Variants in NMB observed in about 807,000 individuals in gnomAD.
The protein encoded by NMB is neuromedin-B.
In NMB, 12 loss-of-function variants were observed where a neutral mutation model predicts 11.7. The observed-to-expected ratio is 1.03, with a 90% CI of 0.66 to 1.66. The LOEUF is 1.66. Ranked by LOEUF, NMB falls within the 40% of genes most tolerant of loss-of-function variation. NMB has a pLI of 0.00. For synonymous variants in NMB, 76 were observed against 72.6 expected, an observed-to-expected ratio of 1.05 and a Z score of -0.24; for missense variants, 174 against 157.9, an observed-to-expected ratio of 1.10 and a Z score of -0.55.
chr15:84,655,682 G>A (rs1014245181), intron 2 of NMB, among the ~76,000 whole-genome samples: 7 of 152,158 alleles, frequency 4.6e-5, no homozygotes, highest in African/African-American at 1.4e-4. Context: ...TAGTGTCAGC[G>A]TCCTCACTCC....
At chr15:84,656,627 C>A (rs1432956184) in intron 2 of NMB, among the ~76,000 whole-genome samples, 2 of 151,496 alleles carry the variant, frequency 1.3e-5, no homozygotes, top group African/African-American at 4.9e-5. Context: ...GTCAAATGTA[C>A]TGAAGTTGCT....
At chr15:84,657,042 TGGGGTCC>T (rs1896791210) in intron 2 of NMB, 127 bp downstream of exon 2, 1 of 766,686 alleles carries the variant, frequency 1.3e-6, no homozygotes, top group Non-Finnish European at 1.9e-6. Context: ...CCTGGCTTTC[TGGGGTCC>T]ACACCCATAA....
chr15:84,657,398 C>T (rs1310209253), intron 1 of NMB, 50 bp from the exon 2 acceptor site: 1 of 1,411,346 alleles, frequency 7.1e-7, no homozygotes, highest in Non-Finnish European at 9.3e-7. Flanking sequence ...CAGGATCCTA[C>T]CTCAGAGGAA....
chr15:84,656,755 G>T (rs1453296331), intron 2 of NMB, among the ~76,000 whole-genome samples: 2 of 151,950 alleles, frequency 1.3e-5, no homozygotes, highest in African/African-American at 4.8e-5. Context: ...GGGCCTCAGG[G>T]TCCCATTCCG....
chr15:84,657,888 C>A, intron 1 of NMB, 108 bp downstream of exon 1: 2 of 1,308,916 alleles, frequency 1.5e-6, no homozygotes, highest in South Asian at 1.5e-5. Context: ...GGTTTTCCAC[C>A]TGCTCCGACA....
chr15:84,656,723 G>A (rs531445373), intron 2 of NMB, among the ~76,000 whole-genome samples: 9 of 152,112 alleles, frequency 5.9e-5, no homozygotes, highest in Non-Finnish European at 1.0e-4. Flanking sequence ...TGTCTTGGCT[G>A]CTGACTTCTC....
chr15:84,658,028 C>A lies in NMB; in HGVS notation c.125G>T (p.Arg42Leu), dbSNP rs1236708002. 1 of 1,597,582 alleles carries A rather than the reference C, an allele frequency of 6.3e-7. No homozygotes were observed. The highest frequency in any genetic ancestry group is 1.1e-5 in the South Asian group (1 of 90,204). ...PEPRSRASKI[R>L]VHSRGNLWAT... ...CCAGAGGTTGCCTCGCGAGTGCACT[C>A]GGATCTTGCTGGCTCGGCTGCGGGG... Residue 42 changes from arginine to leucine, a missense_variant, in exon 1 of 3, where the codon CGA becomes CTA. By Grantham distance (102) the Arg-to-Leu change is moderately radical (BLOSUM62 -2). Transcript: ENST00000360476.
Position 84,658,002 on chromosome 15 carries a change from C to T in NMB, c.151G>A (p.Ala51Thr), listed in dbSNP as rs763914658. The T allele has an allele frequency of 5.0e-6, 8 of 1,591,828 alleles. No homozygotes were observed. The Admixed American group carries it at 5.2e-5, about 10-fold the overall frequency. Residue 51 changes from alanine to threonine, a missense_variant, in exon 1 of 3, where the codon GCC (alanine) becomes ACC (threonine). Around this residue, in one of 2 missense-constraint regions of NMB, gnomAD observed 168 missense variants for 138.4 expected, o/e 1.21. Transcript: ENST00000360476. ...IRVHSRGNLW[A>T]TGHFMGKKSL... Reference sequence around the variant, plus strand: ...TCCGTCCCCAAAGACTTACCGGTGGCCCAGAGGTTGCCTCGCGAGTGCACT... The same window carrying T: ...TCCGTCCCCAAAGACTTACCGGTGGTCCAGAGGTTGCCTCGCGAGTGCACT...
chr15:84,657,296 C>T lies in NMB; in HGVS notation c.210G>A (p.Gly70=), dbSNP rs771981112. The change falls in exon 2 of 3, where the codon GGG becomes GGA. Residue 70 remains glycine, a synonymous_variant. Transcript: ENST00000360476. ...SLEPSSPSPL[G]TAPHTSLRDQ... ...CCCTCAGGGAGGTGTGGGGAGCTGTCCCCAATGGGGATGGGCTGGAAGGCT... is the reference window on the plus strand; with the variant it reads ...CCCTCAGGGAGGTGTGGGGAGCTGTTCCCAATGGGGATGGGCTGGAAGGCT... The T allele has an allele frequency of 5.0e-6, 8 of 1,594,252 alleles. No individual in the cohort carries two copies. In the South Asian group the frequency reaches 8.0e-5, roughly 16 times the overall value.
rs1327793751 is a variant in NMB, at chr15:84,657,315, G to C, written c.191C>G (p.Ser64Cys). 1 of 1,573,884 alleles carries C rather than the reference G, an allele frequency of 6.4e-7. No homozygotes were observed. The highest frequency in any genetic ancestry group is 1.2e-5 in the South Asian group (1 of 85,702). ...HFMGKKSLEP[S>C]SPSPLGTAPH... ...AGCTGTCCCCAATGGGGATGGGCTG[G>C]AAGGCTCCAGACTCTTCTTGCCCAT... Residue 64 changes from serine (S) to cysteine (C), a missense_variant, in exon 2 of 3, where the codon TCC becomes TGC. Around this residue, in one of 2 missense-constraint regions of NMB, gnomAD observed 168 missense variants for 138.4 expected, o/e 1.21. Coordinates refer to ENST00000360476, the MANE Select transcript of NMB (RefSeq NM_021077.4).
Position 84,658,187 on chromosome 15 carries a change from C to T in NMB, c.-35G>A. The T allele has an allele frequency of 1.4e-6, 2 of 1,423,232 alleles. No individual in the cohort carries two copies. The highest frequency in any genetic ancestry group is 1.8e-6 in the Non-Finnish European group (2 of 1,103,024). The allele number at this position is 1,423,232 out of a possible 1,614,324, so 88.2% of individuals were successfully genotyped here. The stretch of plus-strand genomic sequence containing the variant: ...CGGGCCGCGGCTTCGTTCGGGCGCG[C>T]TTCCCGGCCGCTGGGCTCCGGGGCT... On this transcript the variant is annotated 5_prime_UTR_variant, in exon 1 of 3. Coordinates refer to ENST00000360476, the MANE Select transcript of NMB (RefSeq NM_021077.4).
At position 84,657,182 on chromosome 15, in the gene NMB, T is replaced by C; in HGVS notation, c.324A>G (p.Gln108=). ...GAGCAGGGGCCCGGCTCACCTGGATTTGGGGTGCGGGGCGGCTGAGGCTCA... is the reference window on the plus strand; with the variant it reads ...GAGCAGGGGCCCGGCTCACCTGGATCTGGGGTGCGGGGCGGCTGAGGCTCA... ...LGVSLSRPAP[Q]IQYRRLLVQI... The change falls in exon 2 of 3, where the codon CAA becomes CAG. Residue 108 remains glutamine, a synonymous_variant. Transcript: ENST00000360476. 1.2e-6 allele frequency: 2 copies of C among 1,609,890 alleles called. No individual in the cohort carries two copies. Among genetic ancestry groups the C allele is most frequent in the Non-Finnish European group, 1.7e-6 (2 of 1,178,854 alleles).
intron 1 of NMB, 46 bp from the exon 2 acceptor site, chr15:84,657,394 C>T (rs769008027): frequency 1.8e-5 from 26 of 1,420,056 alleles, no homozygotes; most frequent in Non-Finnish European, 2.0e-5. Flanking sequence ...CAGCCAGGAT[C>T]CTACCTCAGA....
intron 2 of NMB, 123 bp downstream of exon 2, chr15:84,657,053 C>A: frequency 1.1e-6 from 1 of 873,220 alleles, no homozygotes; most frequent in East Asian, 3.2e-5. Context: ...GGGGTCCACA[C>A]CCATAATGTC....
chr15:84,658,055 T>C lies in NMB; in HGVS notation c.98A>G (p.Glu33Gly). 6.3e-7 allele frequency: 1 copy of C among 1,589,924 alleles called. No homozygotes were observed. ...GVAPLSWDLPEPRSRASKIRV... is the reference protein window; with the variant it reads ...GVAPLSWDLPGPRSRASKIRV... ...GATCTTGCTGGCTCGGCTGCGGGGC[T>C]CCGGGAGATCCCAGCTGAGCGGGGC... Residue 33 changes from glutamate (E) to glycine (G), a missense_variant, in exon 1 of 3, where the codon GAG becomes GGG. By Grantham distance (98) the Glu-to-Gly change is moderately conservative. Around this residue, in one of 2 missense-constraint regions of NMB, gnomAD observed 168 missense variants for 138.4 expected, o/e 1.21. Transcript: ENST00000360476.
Position 84,658,100 on chromosome 15 carries a change from G to T in NMB, c.53C>A (p.Ala18Asp). ...CGGGGCGACGCCGGCAGCGAGCAGG[G>T]CGAAGAGCAGGAGGCTGCCGAACAT... ...ARMFGSLLLF[A>D]LLAAGVAPLS... The change falls in exon 1 of 3, where the codon GCC becomes GAC. Residue 18 changes from alanine (A) to aspartate (D), a missense_variant. Physicochemically the swap from Ala to Asp is moderately radical, Grantham distance 126. Around this residue, in one of 2 missense-constraint regions of NMB, gnomAD observed 168 missense variants for 138.4 expected, o/e 1.21. Coordinates refer to ENST00000360476, the MANE Select transcript of NMB (RefSeq NM_021077.4). 4.5e-6 allele frequency: 7 copies of T among 1,572,762 alleles called. No homozygotes were observed. The highest frequency in any genetic ancestry group is 6.0e-6 in the Non-Finnish European group (7 of 1,165,712).
At chr15:84,657,049 C>T in intron 2 of NMB, 127 bp downstream of exon 2, 2 of 833,070 alleles carry the variant, frequency 2.4e-6, no homozygotes, top group Non-Finnish European at 3.5e-6. Context: ...TTCTGGGGTC[C>T]ACACCCATAA....
At position 84,657,302 on chromosome 15, in the gene NMB, T is replaced by C. The variant is rs1166920965; in HGVS notation, c.204A>G (p.Pro68=). 2.5e-6 allele frequency: 4 copies of C among 1,590,150 alleles called. No individual in the cohort carries two copies. The highest frequency in any genetic ancestry group is 1.8e-5 in the Admixed American group (1 of 56,400). The change falls in exon 2 of 3, where the codon CCA becomes CCG. Residue 68 remains proline, a synonymous_variant. Transcript: ENST00000360476. ...GGGAGGTGTGGGGAGCTGTCCCCAA[T>C]GGGGATGGGCTGGAAGGCTCCAGAC... ...KKSLEPSSPS[P]LGTAPHTSLR... is the part of the protein sequence containing the mutation.
rs770047890 is a variant in NMB, at chr15:84,657,196, G to A, written c.310C>T (p.Arg104Cys). 18 of 1,611,368 alleles carry A rather than the reference G, an allele frequency of 1.1e-5. No individual in the cohort carries two copies. The Middle Eastern group carries it at 6.9e-4, about 62-fold the overall frequency. Residue 104 changes from arginine (R) to cysteine (C), a missense_variant, in exon 2 of 3, where the codon CGC becomes TGC. By Grantham distance (180) the Arg-to-Cys change is radical. Coordinates refer to ENST00000360476, the MANE Select transcript of NMB (RefSeq NM_021077.4). Reference protein sequence around the residue: ...LKKALGVSLSRPAPQIQYRRL... With the variant: ...LKKALGVSLSCPAPQIQYRRL... ...CTCACCTGGATTTGGGGTGCGGGGC[G>A]GCTGAGGCTCACGCCCAGAGCCTTC... is the stretch of plus-strand genomic sequence containing the variant.
Sources: gnomAD v4.1 joint callset for allele counts (sites outside exome capture counted in the v4.1 genomes callset) on GRCh38, gnomAD v4.1.1 for gene constraint, gnomAD v4.1.1 regional missense constraint, MANE v1.5 for transcripts, NCBI Gene and HGNC (gene_info 2026-07-23, HGNC 2026-07-21) for gene names.